The following IL1RAPL2 variants were observed in gnomAD, a reference collection of about 807,000 sequenced individuals.
IL1RAPL2 encodes X-linked interleukin-1 receptor accessory protein-like 2.
IL1RAPL2 carries 3 observed loss-of-function variants against 44.1 expected under a neutral mutation model. That is an observed-to-expected ratio of 0.07 (90% CI 0.03 to 0.18). The LOEUF is 0.18. Ranked by LOEUF, IL1RAPL2 falls within the 10% of genes least tolerant of loss-of-function variation. The probability of loss-of-function intolerance (pLI) is 1.00; values close to 1 mark genes in which losing one functional copy is unlikely to be tolerated. For synonymous variants in IL1RAPL2, 181 were observed against 178.8 expected, an observed-to-expected ratio of 1.01 and a Z score of -0.10; for missense variants, 391 against 496.4, an observed-to-expected ratio of 0.79 and a Z score of 2.02.
At chrX:104,988,707 A>T (rs1295018211) in intron 2 of IL1RAPL2, among the ~76,000 whole-genome samples, 3 of 112,288 alleles carry the variant, frequency 2.7e-5, no homozygotes, top group Non-Finnish European at 5.6e-5. Context: ...CTCCACACAT[A>T]TTAAAATGCT....
At chrX:105,032,858 T>A (rs994045477) in intron 2 of IL1RAPL2, among the ~76,000 whole-genome samples, 4 of 111,069 alleles carry the variant, frequency 3.6e-5, no homozygotes, top group African/African-American at 1.3e-4. Context: ...TGTGTGGGAG[T>A]CTAAGTCTCT....
intron 2 of IL1RAPL2, among the ~76,000 whole-genome samples, chrX:104,864,586 C>T (rs1922568516): frequency 9.0e-6 from 1 of 111,600 alleles, no homozygotes; most frequent in South Asian, 3.9e-4. Flanking sequence ...CTGGGTGTGT[C>T]TGTGAGGGTG....
At chrX:105,073,193 C>A (rs755958935) in intron 2 of IL1RAPL2, among the ~76,000 whole-genome samples, 6 of 53,413 alleles carry the variant, frequency 1.1e-4, no homozygotes, top group Admixed American at 1.1e-3. Context: ...ATCCCTCCCC[C>A]CTCCCCCCAC....
chrX:104,738,708 G>A (rs1028278141), intron 2 of IL1RAPL2, among the ~76,000 whole-genome samples: 4 of 111,794 alleles, frequency 3.6e-5, no homozygotes, highest in African/African-American at 1.3e-4. Flanking sequence ...GGGAGGCTGA[G>A]GTGGGAGGAT....
intron 2 of IL1RAPL2, among the ~76,000 whole-genome samples, chrX:104,966,622 A>T (rs1311198484): frequency 8.9e-6 from 1 of 112,292 alleles, no homozygotes; most frequent in Non-Finnish European, 1.9e-5. Flanking sequence ...AACAGGAAGA[A>T]ACACACAAAT....
At chrX:105,541,937 G>A (rs2036740265) in intron 6 of IL1RAPL2, among the ~76,000 whole-genome samples, 2 of 111,294 alleles carry the variant, frequency 1.8e-5, no homozygotes, top group South Asian at 7.6e-4. Flanking sequence ...ACCTGCGTTT[G>A]CTGTCTTTGT....
intron 2 of IL1RAPL2, among the ~76,000 whole-genome samples, chrX:104,874,279 C>CCTCTCTCTCTCTCTCTCTCTCTCTCT (rs59789265): frequency 2.6e-5 from 2 of 76,321 alleles, no homozygotes; most frequent in African/African-American, 1.0e-4. Flanking sequence ...TGTCTGTATT[C>CCTCTCTCTCTCTCTCTCTCTCTCTCT]CTCTCTCTCT....
chrX:104,639,397 A>G (rs1303721882), intron 1 of IL1RAPL2, among the ~76,000 whole-genome samples: 1 of 111,808 alleles, frequency 8.9e-6, no homozygotes, highest in Non-Finnish European at 1.9e-5. Flanking sequence ...ATATCATTTA[A>G]CTGGAAAGCT....
chrX:105,494,919 C>A (rs1186953233), intron 6 of IL1RAPL2, among the ~76,000 whole-genome samples: 2 of 112,063 alleles, frequency 1.8e-5, no homozygotes, highest in Non-Finnish European at 3.8e-5. Context: ...GAAACTACAG[C>A]TAGTAGTTTA....
intron 6 of IL1RAPL2, among the ~76,000 whole-genome samples, chrX:105,592,230 T>C (rs1569456891): frequency 8.9e-6 from 1 of 112,053 alleles, no homozygotes; most frequent in Non-Finnish European, 1.9e-5. Flanking sequence ...GAAGTTACAA[T>C]AGCAACCGTC....
At chrX:105,750,669 C>T (rs2038589887) in intron 9 of IL1RAPL2, among the ~76,000 whole-genome samples, 1 of 109,167 alleles carries the variant, frequency 9.2e-6, no homozygotes, top group South Asian at 4.0e-4. Context: ...TACACATTTA[C>T]TCAGCAATTA....
At chrX:105,234,074 G>T in intron 4 of IL1RAPL2, 70 bp downstream of exon 4, 2 of 876,421 alleles carry the variant, frequency 2.3e-6, no homozygotes, top group Non-Finnish European at 3.1e-6. Context: ...AGGAAAGGGA[G>T]ATTTTTTTAC....
At chrX:105,542,426 C>T (rs73529032) in intron 6 of IL1RAPL2, among the ~76,000 whole-genome samples, 15,299 of 111,014 alleles carry the variant, frequency 0.14, 2,571 homozygotes, top group African/African-American at 0.48. Flanking sequence ...AGAATAAACC[C>T]CCCTCTTGGC....
intron 5 of IL1RAPL2, chrX:105,407,115 C>T (rs1289167608): frequency 5.9e-5 from 30 of 507,271 alleles, no homozygotes; most frequent in Non-Finnish European, 6.7e-6. Flanking sequence ...TTTCTCCACT[C>T]ACTCAGTTGT....
rs571806727 is a variant in IL1RAPL2, at chrX:104,863,983, A to G, written c.82+204988A>G. 4.4e-4 allele frequency among the ~76,000 whole-genome samples: 49 copies of G among 111,958 alleles called. No homozygotes were observed. In the South Asian group the frequency reaches 0.019, roughly 42 times the overall value. On this transcript the variant is annotated intron_variant, in intron 2 of 10. Transcript: ENST00000372582. ...GTCTAAATATTGAAAGCCATTGTTC[A>G]TGAATAGTATAAGACTTCCTTTAGC...
chrX:105,301,749 C>T (rs1203564767), intron 5 of IL1RAPL2, among the ~76,000 whole-genome samples: 1 of 111,841 alleles, frequency 8.9e-6, no homozygotes, highest in African/African-American at 3.3e-5. Flanking sequence ...GTATATGTAC[C>T]ACATTTTTAA....
At chrX:104,786,020 A>C (rs1377037460) in intron 2 of IL1RAPL2, among the ~76,000 whole-genome samples, 1 of 112,434 alleles carries the variant, frequency 8.9e-6, no homozygotes, top group Non-Finnish European at 1.9e-5. Flanking sequence ...GAAGCAGCCC[A>C]TTAATACTGT....
At chrX:105,326,710 GT>G (rs779084446) in intron 5 of IL1RAPL2, among the ~76,000 whole-genome samples, 4 of 110,802 alleles carry the variant, frequency 3.6e-5, no homozygotes, top group Admixed American at 9.6e-5. Context: ...TAAATGTAGG[GT>G]TTTTTTTATT....
intron 2 of IL1RAPL2, among the ~76,000 whole-genome samples, chrX:105,156,385 C>T (rs1017476607): frequency 1.8e-5 from 2 of 112,011 alleles, no homozygotes; most frequent in Admixed American, 9.5e-5. Context: ...TCTTCATAGT[C>T]TCTTTTCCTT....
Sources: gnomAD v4.1 joint callset for allele counts (sites outside exome capture counted in the v4.1 genomes callset) on GRCh38, gnomAD v4.1.1 for gene constraint, MANE v1.5 for transcripts, NCBI Gene and HGNC (gene_info 2026-07-23, HGNC 2026-07-21) for gene names.